AFG1L: variants seen among roughly 807,000 people sequenced by gnomAD.
AFG1L encodes AFG1-like ATPase.
A neutral mutation model predicts 62.2 loss-of-function variants in AFG1L; 53 were observed. The observed-to-expected ratio is 0.85, with a 90% CI of 0.68 to 1.07. AFG1L has a LOEUF of 1.07. Ranked by LOEUF, AFG1L falls within the 50% of genes least tolerant of loss-of-function variation. The pLI, the probability that AFG1L is intolerant of heterozygous loss-of-function variation, is 0.00. For missense variants in AFG1L, 555 were observed against 590.5 expected, an observed-to-expected ratio of 0.94 and a Z score of 0.62; for synonymous variants, 228 against 210.3, an observed-to-expected ratio of 1.08 and a Z score of -0.73.
chr6:108,323,811 GT>G lies in AFG1L; in HGVS notation c.140-9del, dbSNP rs759223844. ...TATTTAAGAAAGTCTAAAATTTTAT[GT>G]TTTTGTTTATAGCCTATACGGTTCA... On this transcript the variant is annotated splice_polypyrimidine_tract_variant and intron_variant, in intron 1 of 12. Coordinates refer to ENST00000368977, the MANE Select transcript of AFG1L (RefSeq NM_145315.5). The G allele has an allele frequency of 1.3e-6, 2 of 1,591,186 alleles. No homozygotes were observed. Among genetic ancestry groups the G allele is most frequent in the South Asian group, 1.1e-5 (1 of 89,666 alleles).
At chr6:108,461,681 A>T (rs1235993655) in intron 8 of AFG1L, among the ~76,000 whole-genome samples, 1 of 152,158 alleles carries the variant, frequency 6.6e-6, no homozygotes, top group Non-Finnish European at 1.5e-5. Flanking sequence ...CTGGTCTCAA[A>T]TTCTTGGCCT....
rs1406854949 is a variant in AFG1L at position 108,524,828 on chromosome 6, A to G, written c.*2403A>G. Reference sequence around the variant, plus strand: ...TGGTTTCATAAAATAGCATGCAAGAAAAAAACCCAAGTCTTCAAGAATAGC... The same window carrying G: ...TGGTTTCATAAAATAGCATGCAAGAGAAAAACCCAAGTCTTCAAGAATAGC... On this transcript the variant is annotated 3_prime_UTR_variant, in exon 13 of 13. Transcript: ENST00000368977. 6.6e-6 allele frequency: 1 copy of G among 152,202 alleles called. No individual in the cohort carries two copies. Among genetic ancestry groups the G allele is most frequent in the African/African-American group, 2.4e-5 (1 of 41,434 alleles). The allele number at this position is 152,202 out of a possible 1,614,324, so 9.4% of individuals were successfully genotyped here. A position where few individuals can be genotyped will look rare whatever the true frequency, so the allele number is the denominator to read the frequency against.
chr6:108,322,222 C>T (rs1777838974), intron 1 of AFG1L, among the ~76,000 whole-genome samples: 1 of 152,072 alleles, frequency 6.6e-6, no homozygotes, highest in African/African-American at 2.4e-5. Flanking sequence ...GTTTATTATT[C>T]TTTTACATAA....
At chr6:108,306,958 T>C (rs181827991) in intron 1 of AFG1L, among the ~76,000 whole-genome samples, 8 of 152,202 alleles carry the variant, frequency 5.3e-5, no homozygotes, top group African/African-American at 1.9e-4. Flanking sequence ...GTCTCTCCTG[T>C]TTGTATTTGA....
intron 7 of AFG1L, among the ~76,000 whole-genome samples, chr6:108,418,105 A>G (rs1318229454): frequency 1.3e-5 from 2 of 151,606 alleles, no homozygotes; most frequent in Non-Finnish European, 3.0e-5. Flanking sequence ...GACAAATATA[A>G]TTGTTAAAGC....
Position 108,382,211 on chromosome 6 carries a change from G to C in AFG1L, c.748+15879G>C, listed in dbSNP as rs1780573123. On this transcript the variant is annotated intron_variant, in intron 6 of 12. Transcript: ENST00000368977. The stretch of plus-strand genomic sequence containing the variant: ...GACGGGGTTTCTCCATGTTGGTCAA[G>C]CTGGTCTCGAACTCCCGACCTCAGG... 3.3e-5 allele frequency among the ~76,000 whole-genome samples: 5 copies of C among 152,168 alleles called. No homozygotes were observed. The South Asian group carries it at 1.0e-3, about 32-fold the overall frequency.
chr6:108,472,334 G>A (rs1028868735), intron 8 of AFG1L, among the ~76,000 whole-genome samples: 2 of 152,070 alleles, frequency 1.3e-5, no homozygotes, highest in African/African-American at 4.8e-5. Flanking sequence ...TGAAAATAGT[G>A]TATTGTATAC....
chr6:108,397,024 T>G (rs1781340890), intron 6 of AFG1L, among the ~76,000 whole-genome samples: 2 of 152,102 alleles, frequency 1.3e-5, no homozygotes, highest in African/African-American at 2.4e-5. Flanking sequence ...TCATTCATTC[T>G]TTTTTGTTTT....
chr6:108,422,477 C>CAGAAAAAAAA (rs1770635594), intron 7 of AFG1L, among the ~76,000 whole-genome samples: 1 of 45,798 alleles, frequency 2.2e-5, no homozygotes, highest in African/African-American at 1.0e-4. Flanking sequence ...TAGTCCTCAG[C>CAGAAAAAAAA]AAAAAAAAAA....
chr6:108,296,796 CAT>C (rs1400593181), intron 1 of AFG1L, among the ~76,000 whole-genome samples: 2 of 152,188 alleles, frequency 1.3e-5, no homozygotes, highest in East Asian at 1.9e-4. Context: ...ATCATTATAA[CAT>C]ATAAAATTCA....
intron 7 of AFG1L, among the ~76,000 whole-genome samples, chr6:108,409,135 A>G (rs138877086): frequency 3.0e-4 from 46 of 152,364 alleles, no homozygotes; most frequent in African/African-American, 1.1e-3. Context: ...ATACACATGC[A>G]TCAAAAAATA....
intron 10 of AFG1L, among the ~76,000 whole-genome samples, chr6:108,494,121 G>A (rs535400317): frequency 1.7e-4 from 26 of 151,976 alleles, no homozygotes; most frequent in Admixed American, 2.0e-4. Context: ...CACACCTGGC[G>A]TCACATTTTC....
intron 7 of AFG1L, among the ~76,000 whole-genome samples, chr6:108,433,669 T>C (rs1331871179): frequency 6.6e-6 from 1 of 152,190 alleles, no homozygotes; most frequent in Non-Finnish European, 1.5e-5. Context: ...CTCAGCTCAC[T>C]GCAACCTCTG....
chr6:108,491,557 G>GA (rs1269231762), intron 10 of AFG1L, among the ~76,000 whole-genome samples: 1 of 152,158 alleles, frequency 6.6e-6, no homozygotes, highest in Non-Finnish European at 1.5e-5. Context: ...GCTTGATCCA[G>GA]AAAAAATAGT....
chr6:108,310,575 CT>C (rs79088170), intron 1 of AFG1L, among the ~76,000 whole-genome samples: 246 of 132,520 alleles, frequency 1.9e-3, no homozygotes, highest in East Asian at 4.2e-3. Flanking sequence ...TTTTCACCTT[CT>C]TTTTTTTTTT....
chr6:108,337,957 G>A (rs992985736), intron 2 of AFG1L, among the ~76,000 whole-genome samples: 7 of 152,216 alleles, frequency 4.6e-5, no homozygotes, highest in East Asian at 1.9e-4. Context: ...AGGCTGAGGC[G>A]GGAGAATCCC....
chr6:108,342,604 C>A (rs986846531), intron 2 of AFG1L, among the ~76,000 whole-genome samples: 28 of 152,078 alleles, frequency 1.8e-4, no homozygotes, highest in Admixed American at 1.3e-3. Context: ...TACTGTTCTC[C>A]ATTTGATCCT....
intron 7 of AFG1L, among the ~76,000 whole-genome samples, chr6:108,412,144 C>G (rs1782146545): frequency 6.6e-6 from 1 of 152,004 alleles, no homozygotes; most frequent in Non-Finnish European, 1.5e-5. Flanking sequence ...CCGATTTGAT[C>G]AAGTGGAAGA....
rs942425925 is a variant in AFG1L, at chr6:108,321,715, T to C, written c.140-2110T>C. Among the ~76,000 whole-genome samples, 4 of 152,222 alleles carry C rather than the reference T, an allele frequency of 2.6e-5. No individual in the cohort carries two copies. In the East Asian group the frequency reaches 5.8e-4, roughly 22 times the overall value. ...TCAACCTGCATCTCCAGCTTCAACA[T>C]TGAACCCAAACCTTATCCTGGTACT... On this transcript the variant is annotated intron_variant, in intron 1 of 12. Transcript: ENST00000368977.
Sources: gnomAD v4.1 joint callset for allele counts (sites outside exome capture counted in the v4.1 genomes callset) on GRCh38, gnomAD v4.1.1 for gene constraint, MANE v1.5 for transcripts, NCBI Gene and HGNC (gene_info 2026-07-23, HGNC 2026-07-21) for gene names.